Variants in SOS1 observed in about 807,000 individuals in gnomAD.
The protein encoded by SOS1 is son of sevenless homolog 1.
A neutral mutation model predicts 157.6 loss-of-function variants in SOS1; 25 were observed. The ratio of observed to expected loss-of-function variants is 0.16; its 90% CI spans 0.12 to 0.22. The LOEUF (loss-of-function observed/expected upper bound fraction) is 0.22, where lower values mean the gene tolerates loss of function less well. SOS1 is among the 10% of genes least tolerant of loss of function. The probability of loss-of-function intolerance (pLI) is 1.00; values close to 1 mark genes in which losing one functional copy is unlikely to be tolerated. For missense variants in SOS1, 1,237 were observed against 1,599.1 expected, an observed-to-expected ratio of 0.77 and a Z score of 3.86; for synonymous variants, 528 against 534.0, an observed-to-expected ratio of 0.99 and a Z score of 0.16.
intron 1 of SOS1, among the ~76,000 whole-genome samples, chr2:39,078,471 C>A (rs1672090233): frequency 6.7e-6 from 1 of 150,366 alleles, no homozygotes; most frequent in Non-Finnish European, 1.5e-5. Context: ...TCCCCAACAC[C>A]TGGCTGCCAA....
At chr2:39,093,878 G>C (rs151095630) in intron 1 of SOS1, among the ~76,000 whole-genome samples, 1 of 152,342 alleles carries the variant, frequency 6.6e-6, no homozygotes, top group South Asian at 2.1e-4. Context: ...CAGATTCCAT[G>C]TTGCAATTAA....
intron 1 of SOS1, among the ~76,000 whole-genome samples, chr2:39,090,769 T>C (rs1046665911): frequency 6.6e-6 from 1 of 152,204 alleles, no homozygotes; most frequent in Non-Finnish European, 1.5e-5. Flanking sequence ...ATAGTTTATG[T>C]ATATCAGTGC....
At chr2:39,068,467 A>G (rs1671667424) in intron 1 of SOS1, among the ~76,000 whole-genome samples, 1 of 152,200 alleles carries the variant, frequency 6.6e-6, no homozygotes, top group Admixed American at 6.5e-5. Flanking sequence ...TACCATTCCT[A>G]ATAAATGATA....
At chr2:39,007,243 A>T (rs1430053604) in intron 15 of SOS1, 50 bp from the exon 16 acceptor site, 1 of 1,157,928 alleles carries the variant, frequency 8.6e-7, no homozygotes, top group Non-Finnish European at 1.3e-6. Context: ...TTTCCAATAA[A>T]GTTATAGCTT....
rs971967596 is a variant in SOS1, at chr2:39,102,669, G to A, written c.87+17667C>T. ...GGAAAAGAAAGACTGGTGCGGCCGG[G>A]CATGGTAGCTCACGCCCATAATCCC... On this transcript the variant is annotated intron_variant, in intron 1 of 22. Transcript: ENST00000402219. Among the ~76,000 whole-genome samples, 6 of 152,156 alleles carry A rather than the reference G, an allele frequency of 3.9e-5. 1 individual carries two copies. Among genetic ancestry groups the A allele is most frequent in the African/African-American group, 4.8e-5 (2 of 41,420 alleles).
chr2:39,112,867 T>C (rs1348079753), intron 1 of SOS1, among the ~76,000 whole-genome samples: 3 of 152,010 alleles, frequency 2.0e-5, no homozygotes, highest in Non-Finnish European at 4.4e-5. Flanking sequence ...GGTAAAACCC[T>C]GTCTCTACTA....
intron 16 of SOS1, 97 bp downstream of exon 16, chr2:39,006,934 A>T: frequency 1.2e-6 from 1 of 846,398 alleles, no homozygotes; most frequent in South Asian, 1.4e-5. Context: ...TGAAAAGACA[A>T]ATGAGACATT....
intron 10 of SOS1, among the ~76,000 whole-genome samples, chr2:39,017,874 C>T (rs1669677356): frequency 6.6e-6 from 1 of 151,894 alleles, no homozygotes; most frequent in African/African-American, 2.4e-5. Flanking sequence ...GTAACACACA[C>T]CATGTCGCTA....
intron 2 of SOS1, among the ~76,000 whole-genome samples, chr2:39,059,519 C>T (rs1422012052): frequency 6.6e-6 from 1 of 152,058 alleles, no homozygotes; most frequent in Non-Finnish European, 1.5e-5. Context: ...TTTAAAAAAT[C>T]CACTTGCAGG....
In SOS1 at chr2:38,985,710, A is replaced by C; in HGVS notation, c.*114T>G. ...TGTCTTATACTGCATCTTGAAGAAG[A>C]GTCGTTAGTGTTTGGAGTTCTCATT... On this transcript the variant is annotated 3_prime_UTR_variant, in exon 23 of 23. Transcript: ENST00000402219. 1 of 1,120,322 alleles carries C rather than the reference A, an allele frequency of 8.9e-7. No individual in the cohort carries two copies. Among genetic ancestry groups the C allele is most frequent in the South Asian group, 1.2e-5 (1 of 80,388 alleles). 69.4% of individuals were successfully genotyped at this position (1,120,322 alleles called of 1,614,324 possible). A position where few individuals can be genotyped will look rare whatever the true frequency, so the allele number is the denominator to read the frequency against.
In SOS1 at chr2:39,120,352, A is replaced by T; in HGVS notation, c.71T>A (p.Val24Glu). Residue 24 changes from valine to glutamate, a missense_variant, in exon 1 of 23, where the codon GTG becomes GAG. By Grantham distance (121) the Val-to-Glu change is moderately radical (BLOSUM62 -2). Coordinates refer to ENST00000402219, the MANE Select transcript of SOS1 (RefSeq NM_005633.4). ...GCTCCTCACCTTTTTCAGCGCAGGC[A>T]CCAGTAGTCCCCGCCACTTGGGCGC... ...ENAPKWRGLL[V>E]PALKKVQGQV... 1 of 1,591,410 alleles carries T rather than the reference A, an allele frequency of 6.3e-7. No individual in the cohort carries two copies. The highest frequency in any genetic ancestry group is 2.3e-5 in the East Asian group (1 of 43,228).
chr2:39,017,189 C>T (rs1369156743), intron 10 of SOS1, among the ~76,000 whole-genome samples: 1 of 152,060 alleles, frequency 6.6e-6, no homozygotes, highest in African/African-American at 2.4e-5. Flanking sequence ...GAACCTAGAT[C>T]ATGTGATTCC....
intron 17 of SOS1, among the ~76,000 whole-genome samples, chr2:39,005,373 A>G (rs913708539): frequency 1.3e-5 from 2 of 152,210 alleles, no homozygotes; most frequent in Non-Finnish European, 2.9e-5. Flanking sequence ...AATGTGAATC[A>G]GAAAATCATG....
chr2:39,068,802 T>G (rs925925805), intron 1 of SOS1, among the ~76,000 whole-genome samples: 2 of 152,132 alleles, frequency 1.3e-5, no homozygotes, highest in Admixed American at 1.3e-4. Flanking sequence ...AGCTTGCATG[T>G]TAATAAACAG....
In SOS1 at chr2:39,006,537, GA is replaced by G. The variant is rs532594344; in HGVS notation, c.2674-9del. The G allele has an allele frequency of 7.6e-5, 106 of 1,392,134 alleles. No individual in the cohort carries two copies. The highest frequency in any genetic ancestry group is 3.2e-4 in the East Asian group (14 of 43,702). 86.2% of individuals were successfully genotyped at this position (1,392,134 alleles called of 1,614,324 possible). ...CTGGCGACTTGGTATTTGCTATAAG[GA>G]AAAAAAATAGGCGTAAGTTTACAAA... On this transcript the variant is annotated splice_polypyrimidine_tract_variant and intron_variant, in intron 16 of 22. Transcript: ENST00000402219.
At chr2:38,990,447 C>T (rs1015497203) in intron 20 of SOS1, among the ~76,000 whole-genome samples, 2 of 151,998 alleles carry the variant, frequency 1.3e-5, no homozygotes, top group Non-Finnish European at 2.9e-5. Flanking sequence ...GTTGCTCTGC[C>T]GATGATTTTC....
chr2:39,023,542 A>G lies in SOS1; in HGVS notation c.1203-317T>C, dbSNP rs1403355564. Among the ~76,000 whole-genome samples the G allele has an allele frequency of 2.6e-5, 4 of 152,272 alleles. No homozygotes were observed. In the East Asian group the frequency reaches 7.7e-4, roughly 29 times the overall value. ...AAAAAGTAGCCCAATACAGTAAAAAAAAGTAATCTGAAAGATTAAAATAAA... is the reference window on the plus strand; with the variant it reads ...AAAAAGTAGCCCAATACAGTAAAAAGAAGTAATCTGAAAGATTAAAATAAA... On this transcript the variant is annotated intron_variant, in intron 9 of 22. Coordinates refer to ENST00000402219, the MANE Select transcript of SOS1 (RefSeq NM_005633.4).
intron 1 of SOS1, among the ~76,000 whole-genome samples, chr2:39,071,957 G>A (rs1671809877): frequency 1.4e-5 from 2 of 145,240 alleles, no homozygotes; most frequent in Admixed American, 1.4e-4. Flanking sequence ...CTTCTTCTAA[G>A]CTATTTGAAT....
At chr2:39,032,139 G>T (rs1158244008) in intron 8 of SOS1, among the ~76,000 whole-genome samples, 2 of 152,008 alleles carry the variant, frequency 1.3e-5, no homozygotes, top group Non-Finnish European at 1.5e-5. Context: ...TTTTTTCGTG[G>T]TGAGAACACA....
Sources: gnomAD v4.1 joint callset for allele counts (sites outside exome capture counted in the v4.1 genomes callset) on GRCh38, gnomAD v4.1.1 for gene constraint, MANE v1.5 for transcripts, NCBI Gene and HGNC (gene_info 2026-07-23, HGNC 2026-07-21) for gene names.